Variants in PCDHGA4 observed in about 807,000 individuals in gnomAD.
The protein encoded by PCDHGA4 is protocadherin gamma subfamily A, 4, also known as protocadherin gamma-A4.
A neutral mutation model predicts 54.6 loss-of-function variants in PCDHGA4; 38 were observed. The ratio of observed to expected loss-of-function variants is 0.70; its 90% confidence interval spans 0.54 to 0.91. PCDHGA4 has a LOEUF of 0.91. Ranked by LOEUF, PCDHGA4 falls within the 40% of genes least tolerant of loss-of-function variation. The pLI is 0.00. For synonymous variants in PCDHGA4, 511 were observed against 512.9 expected, an observed-to-expected ratio of 1.00 and a Z score of 0.05; for missense variants, 1,298 against 1,220.9, an observed-to-expected ratio of 1.06 and a Z score of -0.94.
At chr5:141,459,814 T>C (rs757306281) in intron 1 of PCDHGA4, among the ~76,000 whole-genome samples, 1 of 152,256 alleles carries the variant, frequency 6.6e-6, no homozygotes, top group African/African-American at 2.4e-5. Flanking sequence ...CTAGAGACAC[T>C]GAGCAACTTT....
chr5:141,372,272 G>A (rs1220492258), intron 1 of PCDHGA4: 1 of 1,613,124 alleles, frequency 6.2e-7, no homozygotes, highest in South Asian at 1.1e-5. Flanking sequence ...CGGGTGAGGT[G>A]CGCACGGCGC....
intron 1 of PCDHGA4, among the ~76,000 whole-genome samples, chr5:141,458,368 A>C (rs934670055): frequency 3.9e-5 from 6 of 152,112 alleles, no homozygotes; most frequent in Admixed American, 3.9e-4. Flanking sequence ...GAAGGAAGGG[A>C]GAAGAGAGAA....
At chr5:141,390,611 C>A (rs1248320569) in intron 1 of PCDHGA4, 1 of 295,950 alleles carries the variant, frequency 3.4e-6, no homozygotes, top group Admixed American at 4.8e-5. Context: ...CATTTTCCTT[C>A]TTGTTGACTA....
At chr5:141,361,587 T>A in intron 1 of PCDHGA4, 1 of 1,614,028 alleles carries the variant, frequency 6.2e-7, no homozygotes, top group Non-Finnish European at 8.5e-7. Context: ...TGGGCCCCAG[T>A]GGCCAAGTTT....
chr5:141,492,077 C>G (rs917149790), intron 1 of PCDHGA4: 1 of 483,342 alleles, frequency 2.1e-6, no homozygotes, highest in African/African-American at 2.0e-5. Context: ...GGCGCCGGCT[C>G]CGGCACGCTT....
chr5:141,405,477 T>A, intron 1 of PCDHGA4: 1 of 1,025,232 alleles, frequency 9.8e-7, no homozygotes, highest in Non-Finnish European at 1.4e-6. Context: ...TGGAATGCAG[T>A]GGTGTGATCT....
intron 1 of PCDHGA4, chr5:141,372,129 C>A (rs62620756): frequency 0.034 from 55,182 of 1,613,622 alleles, 1,045 homozygotes; most frequent in Middle Eastern, 0.098. Flanking sequence ...CGATATGGTG[C>A]CGCGCTCTGC....
intron 1 of PCDHGA4, among the ~76,000 whole-genome samples, chr5:141,472,274 G>A (rs1170341842): frequency 6.6e-6 from 1 of 152,176 alleles, no homozygotes; most frequent in Admixed American, 6.5e-5. Flanking sequence ...GGGCACAGTG[G>A]CTCACACCTG....
rs768015584 is a variant in PCDHGA4, at chr5:141,356,906, C to T, written c.1799C>T (p.Thr600Ile). ...GAGATCCTGTACCCCACCTTCCCTA[C>T]TGATGGCTCCACTGGTGTGGAGCTG... is the stretch of plus-strand genomic sequence containing the variant. Reference protein sequence around the residue: ...VPEILYPTFPTDGSTGVELAP... With the variant: ...VPEILYPTFPIDGSTGVELAP... Residue 600 changes from threonine to isoleucine, a missense_variant, in exon 1 of 4, where the codon ACT becomes ATT. Coordinates refer to ENST00000571252, the MANE Select transcript of PCDHGA4 (RefSeq NM_018917.4). 7.4e-6 allele frequency: 12 copies of T among 1,614,110 alleles called. No individual in the cohort carries two copies. In the Admixed American group the frequency reaches 8.3e-5, roughly 11 times the overall value.
chr5:141,399,421 A>G lies in PCDHGA4; in HGVS notation c.2514+41800A>G, dbSNP rs1444290267. On this transcript the variant is annotated intron_variant, in intron 1 of 3. Coordinates refer to ENST00000571252, the MANE Select transcript of PCDHGA4 (RefSeq NM_018917.4). ...GGGCAAGCCGCCCCTCTCCTCCAGCATAAGCGTCATCCTACATATCAGAGA... is the reference window on the plus strand; with the variant it reads ...GGGCAAGCCGCCCCTCTCCTCCAGCGTAAGCGTCATCCTACATATCAGAGA... 1.2e-6 allele frequency: 2 copies of G among 1,614,036 alleles called. No homozygotes were observed. Among genetic ancestry groups the G allele is most frequent in the Middle Eastern group, 1.6e-4 (1 of 6,062 alleles).
At chr5:141,365,992 C>T (rs571544765) in intron 1 of PCDHGA4, 10 of 1,614,132 alleles carry the variant, frequency 6.2e-6, no homozygotes, top group Middle Eastern at 1.6e-4. Context: ...TTGTGCTGGA[C>T]CAGAACGACA....
intron 1 of PCDHGA4, chr5:141,419,467 C>T: frequency 6.2e-7 from 1 of 1,612,476 alleles, no homozygotes; most frequent in Non-Finnish European, 8.5e-7. Context: ...AGGCCCGCGA[C>T]CAGGGCTCGC....
At chr5:141,372,941 G>T in intron 1 of PCDHGA4, 1 of 810,408 alleles carries the variant, frequency 1.2e-6, no homozygotes, top group Non-Finnish European at 1.9e-6. Context: ...AGAGTAGGGT[G>T]TCTAGGAAAT....
chr5:141,364,339 T>A, intron 1 of PCDHGA4: 1 of 1,532,912 alleles, frequency 6.5e-7, no homozygotes. Context: ...CAATGGCGAG[T>A]CCACCTAGGG....
intron 1 of PCDHGA4, chr5:141,388,068 C>T (rs562398369): frequency 8.0e-6 from 11 of 1,373,194 alleles, no homozygotes; most frequent in Non-Finnish European, 1.1e-5. Flanking sequence ...CCAGGAGTTA[C>T]CGACTCGAAA....
At chr5:141,404,978 G>T (rs373968137) in intron 1 of PCDHGA4, 2 of 1,613,976 alleles carry the variant, frequency 1.2e-6, no homozygotes, top group Non-Finnish European at 8.5e-7. Flanking sequence ...GGCTGACCTG[G>T]GCAGTCTTCA....
chr5:141,400,502 A>C, intron 1 of PCDHGA4: 1 of 1,614,020 alleles, frequency 6.2e-7, no homozygotes, highest in Non-Finnish European at 8.5e-7. Flanking sequence ...AATTCCAGCG[A>C]GTCGACTTCC....
intron 1 of PCDHGA4, chr5:141,383,672 G>A: frequency 6.2e-7 from 1 of 1,614,030 alleles, no homozygotes; most frequent in Non-Finnish European, 8.5e-7. Flanking sequence ...GTGCCAGTGG[G>A]TACAAGACTG....
chr5:141,376,302 T>G, intron 1 of PCDHGA4: 2 of 1,614,166 alleles, frequency 1.2e-6, no homozygotes, highest in Non-Finnish European at 1.7e-6. Context: ...GGCTCGCACT[T>G]TGTGGGCGTG....
Sources: gnomAD v4.1 joint callset for allele counts (sites outside exome capture counted in the v4.1 genomes callset) on GRCh38, gnomAD v4.1.1 for gene constraint, MANE v1.5 for transcripts, NCBI Gene and HGNC (gene_info 2026-07-23, HGNC 2026-07-21) for gene names.